Variants in ESPNL observed in about 807,000 individuals in gnomAD.
ESPNL encodes espin like, also known as espin-like protein.
A neutral mutation model predicts 46.8 loss-of-function variants in ESPNL; 49 were observed. The ratio of observed to expected loss-of-function variants is 1.05; its 90% CI spans 0.83 to 1.33. The LOEUF (loss-of-function observed/expected upper bound fraction) is 1.33. Ranked by LOEUF, ESPNL falls within the 40% of genes most tolerant of loss-of-function variation. ESPNL has a pLI of 0.00. For missense variants in ESPNL, 1,540 were observed against 1,436.6 expected (o/e 1.07, Z -1.16); for synonymous variants, 664 against 662.1 (o/e 1.00, Z -0.04).
In ESPNL at chr2:238,107,896, C is replaced by T; in HGVS notation, c.778C>T (p.Leu260Phe). ...CACGCCCATTCTAGACCGACTCCTG[C>T]TCATGGGTACCCCCATCCTGAGAGA... ...GHTPILDRLL[L>F]MGTPILRDSW... Residue 260 changes from leucine to phenylalanine, a missense_variant, in exon 4 of 9, where the codon CTC becomes TTC. Physicochemically the swap from Leu to Phe is conservative, Grantham distance 22. Coordinates refer to ENST00000343063, the MANE Select transcript of ESPNL (RefSeq NM_194312.4). The T allele has an allele frequency of 6.2e-7, 1 of 1,612,700 alleles. No homozygotes were observed. The highest frequency in any genetic ancestry group is 1.3e-5 in the African/African-American group (1 of 74,952).
rs1283567945 is a variant in ESPNL, at chr2:238,119,387, T to TGGAGGAGG, written c.987+2354_987+2355insGAGGAGGG. ...GAAGGACGTGGATGAAGGAGTTGGA[T>TGGAGGAGG]GCAGGAGGTGGATGGAGGAGGTGGA... On this transcript the variant is annotated intron_variant, in intron 5 of 8. Coordinates refer to ENST00000343063, the MANE Select transcript of ESPNL (RefSeq NM_194312.4). Among the ~76,000 whole-genome samples, 49 of 103,560 alleles carry TGGAGGAGG rather than the reference T, an allele frequency of 4.7e-4. 1 individual carries two copies. The highest frequency in any genetic ancestry group is 1.5e-3 in the African/African-American group (36 of 24,798). 67.9% of individuals were successfully genotyped at this position (103,560 alleles called of 152,430 possible).
chr2:238,116,785 TG>T (rs2106470225), intron 4 of ESPNL, 117 bp from the exon 5 acceptor site: 1 of 1,326,260 alleles, frequency 7.5e-7, no homozygotes, highest in Non-Finnish European at 1.0e-6. Context: ...CTGCCCCTGC[TG>T]GGAAGGGCAT....
intron 4 of ESPNL, among the ~76,000 whole-genome samples, chr2:238,115,563 G>A (rs555613065): frequency 4.6e-5 from 7 of 152,340 alleles, no homozygotes; most frequent in African/African-American, 1.4e-4. Context: ...TGGCACACCC[G>A]CCGCTCCACA....
intron 6 of ESPNL, among the ~76,000 whole-genome samples, chr2:238,126,949 GTTA>G (rs1431682046): frequency 2.8e-5 from 3 of 108,968 alleles, no homozygotes; most frequent in Admixed American, 1.7e-4. Flanking sequence ...GTGTGTCACT[GTTA>G]TTGTGTGTCT....
At chr2:238,127,548 C>T in intron 6 of ESPNL, 74 bp from the exon 7 acceptor site, 1 of 1,492,538 alleles carries the variant, frequency 6.7e-7, no homozygotes, top group African/African-American at 1.4e-5. Flanking sequence ...GCCCCCAGGG[C>T]CGGATCCCCG....
chr2:238,130,997 G>A lies in ESPNL; in HGVS notation c.2283G>A (p.Val761=), dbSNP rs755222310. 20 of 1,544,770 alleles carry A rather than the reference G, an allele frequency of 1.3e-5. No homozygotes were observed. Among genetic ancestry groups the A allele is most frequent in the East Asian group, 4.9e-5 (2 of 40,924 alleles). Residue 761 remains valine (V), a synonymous_variant, in exon 9 of 9, where the codon GTG becomes GTA. Transcript: ENST00000343063. ...CCTACACGCCGGCCCTCAAGACAGTGGCCTGCAGGACCCTAGGAGCCCGCC... is the reference window on the plus strand; with the variant it reads ...CCTACACGCCGGCCCTCAAGACAGTAGCCTGCAGGACCCTAGGAGCCCGCC... The part of the protein sequence containing the change: ...RSAYTPALKT[V]ACRTLGARHA...
intron 5 of ESPNL, among the ~76,000 whole-genome samples, chr2:238,121,734 G>A (rs955482345): frequency 6.6e-6 from 1 of 152,202 alleles, no homozygotes; most frequent in East Asian, 1.9e-4. Flanking sequence ...GAAGCTCCTC[G>A]AGCACCCAAT....
chr2:238,111,152 C>T (rs1045863161), intron 4 of ESPNL, among the ~76,000 whole-genome samples: 2 of 151,970 alleles, frequency 1.3e-5, no homozygotes, highest in African/African-American at 2.4e-5. Context: ...GTCTTGAATT[C>T]CTGACCTCAA....
intron 4 of ESPNL, among the ~76,000 whole-genome samples, chr2:238,116,533 T>C (rs1394125897): frequency 6.6e-6 from 1 of 152,008 alleles, no homozygotes. Context: ...TCTCTGAGCC[T>C]CGTCTCTTCA....
chr2:238,108,814 G>A (rs1016122143), intron 4 of ESPNL, among the ~76,000 whole-genome samples: 3 of 152,200 alleles, frequency 2.0e-5, no homozygotes, highest in African/African-American at 7.2e-5. Flanking sequence ...CTGGGGCCCC[G>A]GGTCACCCAG....
At chr2:238,124,694 C>T (rs576081049) in intron 5 of ESPNL, among the ~76,000 whole-genome samples, 1 of 94,770 alleles carries the variant, frequency 1.1e-5, no homozygotes, top group Admixed American at 9.9e-5. Context: ...CAGGAGAGTA[C>T]GTGCATGTGT....
intron 3 of ESPNL, among the ~76,000 whole-genome samples, chr2:238,105,362 C>A (rs1220914075): frequency 6.6e-6 from 1 of 151,980 alleles, no homozygotes. Context: ...CCTGCCTCTA[C>A]AACAGAAAAG....
chr2:238,128,978 G>A (rs1315739783), intron 8 of ESPNL, 74 bp downstream of exon 8: 47 of 1,487,508 alleles, frequency 3.2e-5, no homozygotes, highest in South Asian at 3.0e-4. Flanking sequence ...GGAAGTCAGG[G>A]CGCCCGAAGC....
chr2:238,126,921 C>CTGTGTGTCTG (rs1692142406), intron 6 of ESPNL, among the ~76,000 whole-genome samples: 1 of 146,640 alleles, frequency 6.8e-6, no homozygotes, highest in Non-Finnish European at 1.5e-5. Context: ...ATGATCGTGT[C>CTGTGTGTCTG]TGTGTGTCTG....
At chr2:238,105,790 G>T (rs1220196426) in intron 3 of ESPNL, among the ~76,000 whole-genome samples, 1 of 152,116 alleles carries the variant, frequency 6.6e-6, no homozygotes, top group Non-Finnish European at 1.5e-5. Flanking sequence ...GATCTGACTG[G>T]CATATTGGAA....
intron 8 of ESPNL, chr2:238,129,332 C>T: frequency 3.3e-6 from 3 of 896,696 alleles, no homozygotes; most frequent in Non-Finnish European, 4.0e-6. Context: ...CCTCTGGGGA[C>T]GTGGCCTTGA....
intron 1 of ESPNL, 63 bp from the exon 2 acceptor site, chr2:238,101,878 C>T (rs1691486433): frequency 6.8e-6 from 9 of 1,317,250 alleles, no homozygotes; most frequent in African/African-American, 1.4e-5. Context: ...GGGCCCACCT[C>T]CGGCAGCTGG....
In ESPNL at chr2:238,130,273, G is replaced by T; in HGVS notation, c.1559G>T (p.Arg520Leu). 3 of 1,607,536 alleles carry T rather than the reference G, an allele frequency of 1.9e-6. No individual in the cohort carries two copies. Among genetic ancestry groups the T allele is most frequent in the East Asian group, 2.2e-5 (1 of 44,618 alleles). The part of the protein sequence containing the change: ...LEKQIADLQL[R>L]RRCQEYESEL... ...AAGCAGATTGCAGACCTGCAGCTTC[G>T]GCGCCGCTGTCAGGAGTATGAGAGT... Residue 520 changes from arginine to leucine, a missense_variant, in exon 9 of 9, where the codon CGG becomes CTG. Coordinates refer to ENST00000343063, the MANE Select transcript of ESPNL (RefSeq NM_194312.4).
intron 4 of ESPNL, among the ~76,000 whole-genome samples, chr2:238,116,123 G>T (rs1320143272): frequency 1.3e-5 from 2 of 152,192 alleles, no homozygotes; most frequent in Admixed American, 6.5e-5. Context: ...TGTTTCCCTG[G>T]TACTACAAAA....
Sources: gnomAD v4.1 joint callset for allele counts (sites outside exome capture counted in the v4.1 genomes callset) on GRCh38, gnomAD v4.1.1 for gene constraint, MANE v1.5 for transcripts, NCBI Gene and HGNC (gene_info 2026-07-23, HGNC 2026-07-21) for gene names.